The following GRIK4 variants were observed in gnomAD, a reference collection of about 807,000 sequenced individuals.
GRIK4 encodes the protein glutamate receptor ionotropic, kainate 4.
GRIK4 carries 40 observed loss-of-function variants against 104.9 expected under a neutral mutation model. The ratio of observed to expected loss-of-function variants is 0.38; its 90% CI spans 0.30 to 0.50. The LOEUF is 0.50. Ranked by LOEUF, GRIK4 falls within the 20% of genes least tolerant of loss-of-function variation. The probability of loss-of-function intolerance (pLI) is 0.93; values close to 1 mark genes in which losing one functional copy is unlikely to be tolerated. For missense variants in GRIK4, 1,047 were observed against 1,308.1 expected, an observed-to-expected ratio of 0.80 and a Z score of 3.08; for synonymous variants, 485 against 524.9, an observed-to-expected ratio of 0.92 and a Z score of 1.04.
rs190656814 is a variant in GRIK4 at position 120,826,925 on chromosome 11, G to A, written c.512-4927G>A. Among the ~76,000 whole-genome samples the A allele has an allele frequency of 3.4e-3, 514 of 152,306 alleles. 2 individuals carry two copies. Among genetic ancestry groups the A allele is most frequent in the African/African-American group, 5.5e-3 (230 of 41,562 alleles). On this transcript the variant is annotated intron_variant, in intron 6 of 20. Coordinates refer to ENST00000527524, the MANE Select transcript of GRIK4 (RefSeq NM_014619.5). ...AGGGTTCGCTCCATGGAACAGGTCC[G>A]ACAACCGCACACCCTGAGGCATGGG... is the stretch of plus-strand genomic sequence containing the variant.
intron 3 of GRIK4, among the ~76,000 whole-genome samples, chr11:120,720,990 CA>C (rs2135375068): frequency 6.6e-6 from 1 of 152,150 alleles, no homozygotes; most frequent in South Asian, 2.1e-4. Flanking sequence ...TTCATTCATT[CA>C]TTCATTCATT....
At position 120,986,360 on chromosome 11, in the gene GRIK4, A is replaced by G. The variant is rs1944753884; in HGVS notation, c.*100A>G. ...GCCAGCCGGAACTTGTACAGCGTCG[A>G]CACCTCTCCAGATTTCGGATCCAGT... On this transcript the variant is annotated 3_prime_UTR_variant, in exon 21 of 21. Transcript: ENST00000527524. 16 of 1,330,888 alleles carry G rather than the reference A, an allele frequency of 1.2e-5. No homozygotes were observed. The highest frequency in any genetic ancestry group is 1.5e-5 in the Non-Finnish European group (15 of 1,027,064). 82.4% of individuals were successfully genotyped at this position (1,330,888 alleles called of 1,614,324 possible).
chr11:120,572,140 G>A (rs929510429), intron 1 of GRIK4, among the ~76,000 whole-genome samples: 11 of 152,154 alleles, frequency 7.2e-5, no homozygotes, highest in African/African-American at 2.4e-4. Context: ...CTCACATGGC[G>A]GAGAGCAGAG....
chr11:120,858,272 A>C (rs1187665519), intron 8 of GRIK4: 1 of 152,194 alleles, frequency 6.6e-6, no homozygotes, highest in African/African-American at 2.4e-5. Context: ...GGGCAGCGGA[A>C]ACTGGGTGAA....
At chr11:120,716,188 A>C (rs1014452742) in intron 3 of GRIK4, among the ~76,000 whole-genome samples, 4 of 137,794 alleles carry the variant, frequency 2.9e-5, no homozygotes, top group Admixed American at 8.2e-5. Context: ...GATTTGCAGA[A>C]GTCCAGACCT....
chr11:120,536,383 C>T (rs1157395237), intron 1 of GRIK4, among the ~76,000 whole-genome samples: 8 of 152,130 alleles, frequency 5.3e-5, no homozygotes, highest in Admixed American at 4.6e-4. Flanking sequence ...TTAATTTCAG[C>T]GAGCCTTAAG....
chr11:120,860,012 G>A (rs1042768193), intron 8 of GRIK4, among the ~76,000 whole-genome samples: 4 of 152,316 alleles, frequency 2.6e-5, no homozygotes, highest in South Asian at 2.1e-4. Flanking sequence ...CAAGGGTGGC[G>A]CCAGGGGCCT....
intron 2 of GRIK4, among the ~76,000 whole-genome samples, chr11:120,655,496 T>C (rs1949692722): frequency 1.3e-5 from 2 of 152,202 alleles, no homozygotes; most frequent in South Asian, 4.1e-4. Flanking sequence ...GAGAGCTCCC[T>C]AAGACTTCAG....
intron 13 of GRIK4, among the ~76,000 whole-genome samples, chr11:120,933,319 C>T (rs1467822452): frequency 2.6e-5 from 4 of 152,212 alleles, no homozygotes; most frequent in African/African-American, 9.6e-5. Flanking sequence ...TAAGCCCTTG[C>T]TAAGATGATC....
At chr11:120,673,742 C>T (rs183223954) in intron 3 of GRIK4, among the ~76,000 whole-genome samples, 2 of 152,312 alleles carry the variant, frequency 1.3e-5, no homozygotes, top group East Asian at 3.9e-4. Context: ...GCCTGGAGAC[C>T]GGAACCTGGA....
At chr11:120,843,202 G>A (rs532092697) in intron 8 of GRIK4, among the ~76,000 whole-genome samples, 71 of 152,388 alleles carry the variant, frequency 4.7e-4, no homozygotes, top group African/African-American at 1.7e-3. Context: ...GGTGTGACTA[G>A]CTGGACTCCA....
At chr11:120,715,170 G>A (rs1950805937) in intron 3 of GRIK4, among the ~76,000 whole-genome samples, 1 of 152,150 alleles carries the variant, frequency 6.6e-6, no homozygotes, top group Non-Finnish European at 1.5e-5. Context: ...CTTATCCTGG[G>A]CCAGGTGCTG....
chr11:120,879,690 G>A (rs948582093), intron 11 of GRIK4, among the ~76,000 whole-genome samples: 1 of 152,186 alleles, frequency 6.6e-6, no homozygotes, highest in Non-Finnish European at 1.5e-5. Flanking sequence ...TGACATTTCT[G>A]AACCTGGACC....
chr11:120,968,360 C>T (rs1375277043), intron 19 of GRIK4, among the ~76,000 whole-genome samples: 1 of 152,210 alleles, frequency 6.6e-6, no homozygotes, highest in Non-Finnish European at 1.5e-5. Context: ...TGGTCACGTA[C>T]CATATCTACT....
At chr11:120,742,907 A>G (rs1298634759) in intron 3 of GRIK4, among the ~76,000 whole-genome samples, 1 of 152,214 alleles carries the variant, frequency 6.6e-6, no homozygotes, top group African/African-American at 2.4e-5. Context: ...AATGTGGTAC[A>G]TATACACCAT....
chr11:120,769,915 C>A (rs900715625), intron 3 of GRIK4, among the ~76,000 whole-genome samples: 1 of 152,196 alleles, frequency 6.6e-6, no homozygotes, highest in African/African-American at 2.4e-5. Flanking sequence ...ACACTTCTCC[C>A]TATCTGGGAA....
chr11:120,914,743 G>A (rs1267012050), intron 13 of GRIK4, among the ~76,000 whole-genome samples: 1 of 152,146 alleles, frequency 6.6e-6, no homozygotes, highest in Non-Finnish European at 1.5e-5. Flanking sequence ...AGTGGGAGCT[G>A]TCTAAGAGCA....
chr11:120,819,664 C>A lies in GRIK4; in HGVS notation c.346-91C>A. The A allele has an allele frequency of 8.0e-7, 1 of 1,248,072 alleles. No individual in the cohort carries two copies. The highest frequency in any genetic ancestry group is 1.2e-6 in the Non-Finnish European group (1 of 859,320). 77.3% of individuals were successfully genotyped at this position (1,248,072 alleles called of 1,614,324 possible). ...GGCGAAGGTGTTACATAAAAGAACTCACCCTCCACAACCTCAGCTCACTCA... is the reference window on the plus strand; with the variant it reads ...GGCGAAGGTGTTACATAAAAGAACTAACCCTCCACAACCTCAGCTCACTCA... On this transcript the variant is annotated intron_variant, in intron 5 of 20. Transcript: ENST00000527524. The surrounding 1 kb of genome is among the most constrained non-coding windows in gnomAD (Gnocchi z 4.3).
intron 1 of GRIK4, among the ~76,000 whole-genome samples, chr11:120,577,543 C>A (rs1411120104): frequency 6.6e-6 from 1 of 152,092 alleles, no homozygotes; most frequent in Non-Finnish European, 1.5e-5. Flanking sequence ...GCCAAAGGGG[C>A]TGGGGAGTTT....
Sources: allele counts gnomAD v4.1 joint callset (sites outside exome capture counted in the v4.1 genomes callset), GRCh38; gene constraint gnomAD v4.1.1; non-coding constraint Gnocchi (gnomAD v3.1); transcripts MANE v1.5; gene names NCBI Gene and HGNC (gene_info 2026-07-23, HGNC 2026-07-21).